Variants in CEP85 observed in about 807,000 individuals in gnomAD.
CEP85 encodes centrosomal protein 85.
CEP85 carries 58 observed loss-of-function variants against 93.7 expected under a neutral mutation model. That is an observed-to-expected ratio of 0.62 (90% CI 0.50 to 0.77). The LOEUF (loss-of-function observed/expected upper bound fraction) is 0.77, where lower values mean the gene tolerates loss of function less well. Among genes scored for constraint, CEP85 ranks in the 30% least tolerant of loss-of-function variants. The probability of loss-of-function intolerance (pLI) is 0.00; values close to 1 mark genes in which losing one functional copy is unlikely to be tolerated. For missense variants in CEP85, 868 were observed against 922.0 expected (o/e 0.94, Z 0.76); for synonymous variants, 314 against 338.6 (o/e 0.93, Z 0.80).
intron 2 of CEP85, 98 bp from the exon 3 acceptor site, chr1:26,244,068 C>A: frequency 9.9e-7 from 1 of 1,014,950 alleles, no homozygotes; most frequent in Non-Finnish European, 1.4e-6. Context: ...GGGTGGGTTG[C>A]TGCTATTCTC....
chr1:26,260,118 G>A (rs1018046380), intron 7 of CEP85, among the ~76,000 whole-genome samples: 2 of 152,150 alleles, frequency 1.3e-5, no homozygotes, highest in African/African-American at 4.8e-5. Context: ...CTCATACCAG[G>A]TGGCACTGTT....
chr1:26,246,586 T>G (rs1293879373), intron 3 of CEP85, among the ~76,000 whole-genome samples: 1 of 151,842 alleles, frequency 6.6e-6, no homozygotes, highest in Non-Finnish European at 1.5e-5. Context: ...TACAAAAAAT[T>G]AGCTGGGCGT....
chr1:26,274,056 T>C lies in CEP85; in HGVS notation c.1795-908T>C, dbSNP rs147938794. ...TTTTATTAATACCAAATGAGAAATA[T>C]AAAAAAATTTTCACACTTCATTCAA... On this transcript the variant is annotated intron_variant, in intron 11 of 13. Coordinates refer to ENST00000451429, the MANE Select transcript of CEP85 (RefSeq NM_001319944.2). Among the ~76,000 whole-genome samples, 5 of 151,474 alleles carry C rather than the reference T, an allele frequency of 3.3e-5. No homozygotes were observed. In the South Asian group the frequency reaches 1.0e-3, roughly 32 times the overall value.
intron 2 of CEP85, among the ~76,000 whole-genome samples, chr1:26,243,392 T>C (rs2089458547): frequency 6.6e-6 from 1 of 152,032 alleles, no homozygotes; most frequent in African/African-American, 2.4e-5. Context: ...AGACTACACA[T>C]TGAAGAATGG....
intron 2 of CEP85, among the ~76,000 whole-genome samples, chr1:26,242,669 G>A (rs1457485494): frequency 6.6e-6 from 1 of 152,128 alleles, no homozygotes; most frequent in Non-Finnish European, 1.5e-5. Flanking sequence ...ATTACTTTGG[G>A]CGTAATCATT....
rs922083230 is a variant in CEP85, at chr1:26,244,125, A to G, written c.56-41A>G. On this transcript the variant is annotated intron_variant, in intron 2 of 13. Transcript: ENST00000451429. ...AAAAAAGATCTGATGGGGTTACATC[A>G]GCTGGTTCACAGTAAAGGTGGGAAA... 1.4e-5 allele frequency: 22 copies of G among 1,598,328 alleles called. 1 individual carries two copies. The Admixed American group carries it at 2.6e-4, about 19-fold the overall frequency.
At chr1:26,242,037 C>T (rs1190158330) in intron 2 of CEP85, among the ~76,000 whole-genome samples, 1 of 151,932 alleles carries the variant, frequency 6.6e-6, no homozygotes, top group East Asian at 1.9e-4. Context: ...GCTAGGATTA[C>T]AGGCATGAGC....
At chr1:26,254,134 G>A (rs993688639) in intron 3 of CEP85, among the ~76,000 whole-genome samples, 2 of 152,080 alleles carry the variant, frequency 1.3e-5, no homozygotes, top group East Asian at 1.9e-4. Context: ...GTTGGTAGTC[G>A]CTCTTCTCCG....
At chr1:26,237,312 C>CT (rs1278598698) in intron 1 of CEP85, among the ~76,000 whole-genome samples, 1 of 152,124 alleles carries the variant, frequency 6.6e-6, no homozygotes, top group East Asian at 1.9e-4. Flanking sequence ...AATCTCAGAA[C>CT]ATTTTGATCA....
intron 3 of CEP85, among the ~76,000 whole-genome samples, chr1:26,250,925 CTTTTTTCTTTTT>C (rs1463220660): frequency 0.18 from 9,555 of 54,582 alleles, 1,088 homozygotes; most frequent in African/African-American, 0.27. Flanking sequence ...TTTTTTTTTT[CTTTTTTCTTTTT>C]TTTTTTTTTT....
At chr1:26,261,653 G>C (rs2089809859) in intron 7 of CEP85, among the ~76,000 whole-genome samples, 1 of 151,640 alleles carries the variant, frequency 6.6e-6, no homozygotes, top group Admixed American at 6.6e-5. Context: ...CCAGCACTTT[G>C]GGAGACTGTG....
At chr1:26,264,162 A>G (rs2089856006) in intron 7 of CEP85, among the ~76,000 whole-genome samples, 1 of 152,036 alleles carries the variant, frequency 6.6e-6, no homozygotes, top group African/African-American at 2.4e-5. Context: ...TTGTTTTCTT[A>G]AGGTCCTTTT....
intron 7 of CEP85, among the ~76,000 whole-genome samples, chr1:26,264,779 G>T (rs1490343887): frequency 6.6e-6 from 1 of 152,008 alleles, no homozygotes; most frequent in Non-Finnish European, 1.5e-5. Flanking sequence ...GAGGAGATTG[G>T]GCTTAGAGTC....
rs1264866601 is a variant in CEP85 at position 26,278,786 on chromosome 1, T to A, written c.*1493T>A. On this transcript the variant is annotated 3_prime_UTR_variant, in exon 14 of 14. Transcript: ENST00000451429. ...TTGTTTGTATTGCGTATTTTGATTA[T>A]AAAATAAAGTATCTTAACAGACTCC... 6.6e-6 allele frequency: 1 copy of A among 152,442 alleles called. No individual in the cohort carries two copies. Among genetic ancestry groups the A allele is most frequent in the East Asian group, 1.9e-4 (1 of 5,206 alleles). 9.4% of individuals were successfully genotyped at this position (152,442 alleles called of 1,614,324 possible). A position where few individuals can be genotyped will look rare whatever the true frequency, so the allele number is the denominator to read the frequency against.
chr1:26,259,064 T>C (rs948062488), intron 6 of CEP85, among the ~76,000 whole-genome samples: 1 of 152,232 alleles, frequency 6.6e-6, no homozygotes, highest in Non-Finnish European at 1.5e-5. Flanking sequence ...GCACTGGCTT[T>C]GCTACCTAAT....
chr1:26,277,501 T>C lies in CEP85; in HGVS notation c.*208T>C. The C allele has an allele frequency of 1.9e-6, 1 of 530,678 alleles. No individual in the cohort carries two copies. Among genetic ancestry groups the C allele is most frequent in the Non-Finnish European group, 3.4e-6 (1 of 291,916 alleles). 32.9% of individuals were successfully genotyped at this position (530,678 alleles called of 1,614,324 possible). A position where few individuals can be genotyped will look rare whatever the true frequency, so the allele number is the denominator to read the frequency against. ...TTACGTTTGTCCTGTTAATTCACTC[T>C]AGACGGTGAGTTACTAATTAACTTT... On this transcript the variant is annotated 3_prime_UTR_variant, in exon 14 of 14. Transcript: ENST00000451429.
At chr1:26,241,766 CTT>C (rs918945501) in intron 2 of CEP85, among the ~76,000 whole-genome samples, 8 of 143,490 alleles carry the variant, frequency 5.6e-5, no homozygotes, top group Non-Finnish European at 4.6e-5. Context: ...TTCAGCTTTT[CTT>C]TTTTTTTTTT....
At chr1:26,269,711 A>G in intron 9 of CEP85, 97 bp downstream of exon 9, 2 of 968,236 alleles carry the variant, frequency 2.1e-6, no homozygotes, top group Non-Finnish European at 3.1e-6. Context: ...GATTTGGGAA[A>G]ATCATTTTAC....
chr1:26,267,985 A>G (rs2089916951), intron 7 of CEP85, among the ~76,000 whole-genome samples: 1 of 152,222 alleles, frequency 6.6e-6, no homozygotes, highest in Non-Finnish European at 1.5e-5. Context: ...CAAATTCTGT[A>G]TTTTACAACA....
Sources: gnomAD v4.1 joint callset for allele counts (sites outside exome capture counted in the v4.1 genomes callset) on GRCh38, gnomAD v4.1.1 for gene constraint, MANE v1.5 for transcripts, NCBI Gene and HGNC (gene_info 2026-07-23, HGNC 2026-07-21) for gene names.